Variants in CHRNA1 observed in about 807,000 individuals in gnomAD.
CHRNA1 encodes acetylcholine receptor subunit alpha.
CHRNA1 carries 35 observed loss-of-function variants against 47.1 expected under a neutral mutation model. That is an observed-to-expected ratio of 0.74 (90% CI 0.57 to 0.99). CHRNA1 has a LOEUF of 0.99. Among genes scored for constraint, CHRNA1 ranks in the 50% least tolerant of loss-of-function variants. CHRNA1 has a pLI of 0.00. For synonymous variants in CHRNA1, 229 were observed against 223.6 expected (o/e 1.02, Z -0.22); for missense variants, 506 against 591.1 (o/e 0.86, Z 1.49).
intron 4 of CHRNA1, among the ~76,000 whole-genome samples, chr2:174,756,626 C>T (rs2600689): frequency 0.76 from 115,970 of 152,178 alleles, 46,877 homozygotes; most frequent in East Asian, 0.94. Flanking sequence ...AAAGATACTT[C>T]ATCAGCCCAT....
Position 174,764,413 on chromosome 2 carries a change from T to C in CHRNA1, c.-19A>G. 4 of 1,610,942 alleles carry C rather than the reference T, an allele frequency of 2.5e-6. No homozygotes were observed. The highest frequency in any genetic ancestry group is 2.5e-6 in the Non-Finnish European group (3 of 1,178,546). ...GCTCCATGGGCTACCGGAGCTTGTG[T>C]GGACCAGGGCAGAGTGGTGGCCTGT... On this transcript the variant is annotated 5_prime_UTR_variant, in exon 1 of 9. Transcript: ENST00000348749.
intron 6 of CHRNA1, chr2:174,753,253 C>T (rs1277171207): frequency 1.6e-6 from 1 of 642,010 alleles, no homozygotes; most frequent in Admixed American, 2.3e-5. Flanking sequence ...CTTTAACCAG[C>T]CTAAGCTACA....
At chr2:174,752,787 T>C (rs1683883417) in intron 6 of CHRNA1, 1 of 150,932 alleles carries the variant, frequency 6.6e-6, no homozygotes, top group Non-Finnish European at 1.5e-5. Context: ...TTGATAAAAA[T>C]TGCTACCTGT....
At chr2:174,756,974 T>C (rs555885938) in intron 4 of CHRNA1, among the ~76,000 whole-genome samples, 3 of 152,268 alleles carry the variant, frequency 2.0e-5, no homozygotes, top group African/African-American at 7.2e-5. Context: ...AATAATATTA[T>C]AATTTCACAA....
rs751313425 is a variant in CHRNA1, at chr2:174,759,614, G to A, written c.63C>T (p.Ser21=). Residue 21 remains serine, a synonymous_variant, in exon 2 of 9, where the codon TCC becomes TCT. Transcript: ENST00000348749. ...TTGCCACCAGACGGGTCTCATGTTC[G>A]GAGCCCAGGACGAGGCCAGCTGAGA... ...SLCSAGLVLG[S]EHETRLVAKL... is the part of the protein sequence containing the mutation. The A allele has an allele frequency of 2.2e-5, 36 of 1,613,520 alleles. No individual in the cohort carries two copies. The highest frequency in any genetic ancestry group is 1.5e-4 in the Admixed American group (9 of 59,984).
intron 6 of CHRNA1, chr2:174,753,089 A>T: frequency 2.8e-6 from 1 of 363,350 alleles, no homozygotes; most frequent in Non-Finnish European, 5.1e-6. Flanking sequence ...AGTGGTGAGC[A>T]GTGGGTAAAG....
chr2:174,762,912 T>C (rs1684124340), intron 1 of CHRNA1, among the ~76,000 whole-genome samples: 3 of 152,238 alleles, frequency 2.0e-5, no homozygotes, highest in Admixed American at 6.5e-5. Flanking sequence ...ACTAGTCCCA[T>C]GGATCATTAT....
At chr2:174,756,701 G>C (rs745602658) in intron 4 of CHRNA1, among the ~76,000 whole-genome samples, 5 of 152,122 alleles carry the variant, frequency 3.3e-5, no homozygotes, top group Admixed American at 1.3e-4. Context: ...AGGTATAATT[G>C]GATGACGTGT....
intron 2 of CHRNA1, 56 bp downstream of exon 2, chr2:174,759,432 A>G: frequency 6.2e-7 from 1 of 1,613,766 alleles, no homozygotes; most frequent in Non-Finnish European, 8.5e-7. Flanking sequence ...CAGGGGAGGA[A>G]ACCCAGGGGT....
At chr2:174,755,861 T>G (rs747302401) in intron 4 of CHRNA1, among the ~76,000 whole-genome samples, 1 of 152,106 alleles carries the variant, frequency 6.6e-6, no homozygotes, top group South Asian at 2.1e-4. Context: ...CAGCGAGACC[T>G]CATCTCTACT....
chr2:174,763,895 A>G (rs35013592), intron 1 of CHRNA1, among the ~76,000 whole-genome samples: 7,577 of 152,246 alleles, frequency 0.05, 534 homozygotes, highest in African/African-American at 0.16. Flanking sequence ...GTAGCTGTCA[A>G]TCAGTCCTCT....
At chr2:174,748,529 A>G (rs369765166) in intron 8 of CHRNA1, 51 bp downstream of exon 8, 86 of 1,598,772 alleles carry the variant, frequency 5.4e-5, no homozygotes, top group Non-Finnish European at 5.3e-5. Context: ...CTGTGCTCAT[A>G]CATTTGACCA....
rs1683762012 is a variant in CHRNA1 at position 174,747,880 on chromosome 2, G to T, written c.*244C>A. The T allele has an allele frequency of 4.1e-6, 2 of 483,534 alleles. No individual in the cohort carries two copies. The highest frequency in any genetic ancestry group is 2.0e-5 in the African/African-American group (1 of 50,914). 30.0% of individuals were successfully genotyped at this position (483,534 alleles called of 1,614,324 possible). ...ACACTGGAAATGAACACTTTTTTTA[G>T]TGATTAGTTTCATTTACTAAAGAGG... On this transcript the variant is annotated 3_prime_UTR_variant, in exon 9 of 9. Coordinates refer to ENST00000348749, the MANE Select transcript of CHRNA1 (RefSeq NM_000079.4).
rs1683771546 is a variant in CHRNA1, at chr2:174,748,189, C to T, written c.1309G>A (p.Val437Ile). The T allele has an allele frequency of 6.2e-7, 1 of 1,614,134 alleles. No homozygotes were observed. Among genetic ancestry groups the T allele is most frequent in the Non-Finnish European group, 8.5e-7 (1 of 1,180,032 alleles). The part of the protein sequence containing the change: ...DHILLGVFML[V>I]CIIGTLAVFA... Reference sequence around the variant, plus strand: ...ACGGCTAGGGTTCCGATGATGCAAACAAGCATGAAGACTCCGAGGAGTATG... The same window carrying T: ...ACGGCTAGGGTTCCGATGATGCAAATAAGCATGAAGACTCCGAGGAGTATG... Residue 437 changes from valine (V) to isoleucine (I), a missense_variant, in exon 9 of 9, where the codon GTT becomes ATT. Coordinates refer to ENST00000348749, the MANE Select transcript of CHRNA1 (RefSeq NM_000079.4).
At chr2:174,752,968 T>G in intron 6 of CHRNA1, 2 of 183,006 alleles carry the variant, frequency 1.1e-5, no homozygotes, top group Non-Finnish European at 2.4e-5. Context: ...CAGTAGGAGG[T>G]AAGTAAGTTG....
chr2:174,749,642 G>A (rs960520442), intron 7 of CHRNA1, among the ~76,000 whole-genome samples: 4 of 152,134 alleles, frequency 2.6e-5, no homozygotes, highest in Admixed American at 6.5e-5. Flanking sequence ...GAAATCGCGA[G>A]AATTTCACGG....
Position 174,759,354 on chromosome 2 carries a change from T to G in CHRNA1, c.211A>C (p.Thr71Pro). The G allele has an allele frequency of 6.2e-7, 1 of 1,613,798 alleles. No individual in the cohort carries two copies. The change falls in exon 3 of 9, where the codon ACA becomes CCA. Residue 71 changes from threonine to proline, a missense_variant. Coordinates refer to ENST00000348749, the MANE Select transcript of CHRNA1 (RefSeq NM_000079.4). ...INVDEVNQIV[T>P]TNVRLKQQWV... ...ACCTGTTTCAGACGCACATTGGTTG[T>G]CACGATCTGATTTACTTCATCCTGG...
intron 1 of CHRNA1, among the ~76,000 whole-genome samples, chr2:174,759,974 C>T (rs1684071821): frequency 6.7e-6 from 1 of 149,758 alleles, no homozygotes; most frequent in South Asian, 2.1e-4. Flanking sequence ...AAAAAGCCCA[C>T]AAAAAAGCCA....
chr2:174,764,328 C>T (rs776994004), intron 1 of CHRNA1, 24 bp downstream of exon 1: 3 of 1,611,112 alleles, frequency 1.9e-6, no homozygotes, highest in East Asian at 2.2e-5. Flanking sequence ...GAGCCCTCTC[C>T]CCACCCCTGA....
Sources: allele counts gnomAD v4.1 joint callset (sites outside exome capture counted in the v4.1 genomes callset), GRCh38; gene constraint gnomAD v4.1.1; transcripts MANE v1.5; gene names NCBI Gene and HGNC (gene_info 2026-07-23, HGNC 2026-07-21).